The following HSD17B14 variants were observed in gnomAD, a reference collection of about 807,000 sequenced individuals.
HSD17B14 encodes the protein hydroxysteroid 17-beta dehydrogenase 14, also known as L-fucose dehydrogenase.
Under a neutral mutation model 32.2 loss-of-function variants are expected in HSD17B14, and 32 were observed. The ratio of observed to expected loss-of-function variants is 0.99; its 90% CI spans 0.75 to 1.33. HSD17B14 has a LOEUF of 1.33. Ranked by LOEUF, HSD17B14 falls within the 40% of genes most tolerant of loss-of-function variation. HSD17B14 has a pLI of 0.00. For synonymous variants in HSD17B14, 140 were observed against 155.4 expected (o/e 0.90, Z 0.74); for missense variants, 370 against 366.5 (o/e 1.01, Z -0.08).
At position 48,832,718 on chromosome 19, in the gene HSD17B14, C is replaced by T. The variant is rs1400186707; in HGVS notation, c.225G>A (p.Glu75=). The change falls in exon 4 of 9, where the codon GAG becomes GAA. Residue 75 remains glutamate (E), a synonymous_variant. Transcript: ENST00000263278. ...QEDDVKTLVS[E]TIRRFGRLDC... ...CCAGGCGGCCAAATCGGCGGATGGT[C>T]TCAGAAACCAGGGTCTGAGGAGAAA... 2 of 1,612,164 alleles carry T rather than the reference C, an allele frequency of 1.2e-6. No homozygotes were observed. Among genetic ancestry groups the T allele is most frequent in the East Asian group, 4.5e-5 (2 of 44,840 alleles).
At chr19:48,833,510 G>A (rs1447852630) in intron 3 of HSD17B14, among the ~76,000 whole-genome samples, 2 of 151,926 alleles carry the variant, frequency 1.3e-5, no homozygotes, top group Non-Finnish European at 2.9e-5. Context: ...TGGCCAACAT[G>A]GTGAAACCCT....
Position 48,821,539 on chromosome 19 carries a change from G to T in HSD17B14, c.370-6398C>A, listed in dbSNP as rs141248218. ...AAAGACCTGGAGATTCTAATTCAAG[G>T]GATCTGGGCAGGGGCCCCAGAATCA... On this transcript the variant is annotated intron_variant, in intron 5 of 8. Coordinates refer to ENST00000263278, the MANE Select transcript of HSD17B14 (RefSeq NM_016246.3). 2.7e-3 allele frequency among the ~76,000 whole-genome samples: 418 copies of T among 152,262 alleles called. 4 individuals carry two copies. The highest frequency in any genetic ancestry group is 9.5e-3 in the African/African-American group (394 of 41,544).
In HSD17B14 at chr19:48,820,932, G is replaced by A. The variant is rs1021376541; in HGVS notation, c.370-5791C>T. Among the ~76,000 whole-genome samples the A allele has an allele frequency of 1.1e-4, 16 of 151,816 alleles. 1 individual carries two copies. Among genetic ancestry groups the A allele is most frequent in the Non-Finnish European group, 2.2e-4 (15 of 67,966 alleles). Reference sequence around the variant, plus strand: ...TTGGCCAGGCTGGTCTCAAACCCCTGACCTTGTGATCTGCCTGCTTGGGCC... The same window carrying A: ...TTGGCCAGGCTGGTCTCAAACCCCTAACCTTGTGATCTGCCTGCTTGGGCC... On this transcript the variant is annotated intron_variant, in intron 5 of 8. Transcript: ENST00000263278.
intron 5 of HSD17B14, among the ~76,000 whole-genome samples, chr19:48,820,173 G>C (rs1018927055): frequency 1.3e-5 from 2 of 151,574 alleles, no homozygotes; most frequent in Non-Finnish European, 2.9e-5. Flanking sequence ...AAAACAAACC[G>C]AAAAAGAACG....
chr19:48,826,354 C>A (rs905227858), intron 5 of HSD17B14, among the ~76,000 whole-genome samples: 1 of 149,462 alleles, frequency 6.7e-6, no homozygotes, highest in Non-Finnish European at 1.5e-5. Flanking sequence ...ATCAGCTGGG[C>A]GTAGTGGTGG....
Position 48,836,484 on chromosome 19 carries a change from A to G in HSD17B14, c.-73T>C. The G allele has an allele frequency of 6.7e-7, 1 of 1,494,712 alleles. No individual in the cohort carries two copies. Among genetic ancestry groups the G allele is most frequent in the Non-Finnish European group, 9.3e-7 (1 of 1,079,576 alleles). The allele number at this position is 1,494,712 out of a possible 1,614,324, so 92.6% of individuals were successfully genotyped here. A position where few individuals can be genotyped will look rare whatever the true frequency, so the allele number is the denominator to read the frequency against. Reference sequence around the variant, plus strand: ...CTCCAAAGCCCCGTGAGGCCGTCGCATCAAATCCTCAATAGAGGCTGGATC... The same window carrying G: ...CTCCAAAGCCCCGTGAGGCCGTCGCGTCAAATCCTCAATAGAGGCTGGATC... On this transcript the variant is annotated 5_prime_UTR_variant, in exon 1 of 9. An upstream start codon of the reference 5' UTR is lost. Transcript: ENST00000263278.
In HSD17B14 at chr19:48,828,559, T is replaced by C. The variant is rs972577519; in HGVS notation, c.369+3109A>G. Among the ~76,000 whole-genome samples the C allele has an allele frequency of 4.6e-5, 7 of 152,196 alleles. No homozygotes were observed. The East Asian group carries it at 1.4e-3, about 29-fold the overall frequency. ...CTTGAGCCCAGGGGTTCGAGGCTGC[T>C]GTGAGCTATGATGGTACTCCAGCCT... On this transcript the variant is annotated intron_variant, in intron 5 of 8. Transcript: ENST00000263278.
At chr19:48,831,451 G>C (rs1232441724) in intron 5 of HSD17B14, among the ~76,000 whole-genome samples, 1 of 152,150 alleles carries the variant, frequency 6.6e-6, no homozygotes, top group Non-Finnish European at 1.5e-5. Flanking sequence ...TACTCAGGAG[G>C]CTGAGGCACG....
chr19:48,815,235 G>A (rs1181735958), intron 5 of HSD17B14, 94 bp from the exon 6 acceptor site: 8 of 879,320 alleles, frequency 9.1e-6, no homozygotes, highest in Middle Eastern at 2.2e-4. Flanking sequence ...CTGGGATGAC[G>A]GCCACCTCCC....
chr19:48,835,892 T>C (rs944696150), intron 1 of HSD17B14, 49 bp from the exon 2 acceptor site: 3 of 1,582,570 alleles, frequency 1.9e-6, no homozygotes, highest in Non-Finnish European at 8.7e-7. Flanking sequence ...GGTTAAAGCC[T>C]CTGCCGCCCT....
rs1316708068 is a variant in HSD17B14 at position 48,836,405 on chromosome 19, T to C, written c.7A>G (p.Thr3Ala). The C allele has an allele frequency of 6.2e-7, 1 of 1,613,382 alleles. No homozygotes were observed. The highest frequency in any genetic ancestry group is 8.5e-7 in the Non-Finnish European group (1 of 1,179,972). Residue 3 changes from threonine (T) to alanine (A), a missense_variant, in exon 1 of 9, where the codon ACG becomes GCG. Physicochemically the swap from Thr to Ala is moderately conservative, Grantham distance 58. Transcript: ENST00000263278. MA[T>A]GTRYAGKVVV... Reference sequence around the variant, plus strand: ...ACCTTCCCGGCATAGCGCGTTCCCGTAGCCATCCCGTGTACGTCGGTCTCT... The same window carrying C: ...ACCTTCCCGGCATAGCGCGTTCCCGCAGCCATCCCGTGTACGTCGGTCTCT...
intron 5 of HSD17B14, among the ~76,000 whole-genome samples, chr19:48,825,004 G>A (rs901582187): frequency 1.3e-5 from 2 of 152,042 alleles, no homozygotes; most frequent in East Asian, 1.9e-4. Context: ...TTGGGAGGCC[G>A]AGGCAGGCGG....
chr19:48,824,026 G>A (rs371244257), intron 5 of HSD17B14, among the ~76,000 whole-genome samples: 15 of 147,264 alleles, frequency 1.0e-4, no homozygotes, highest in Non-Finnish European at 1.9e-4. Flanking sequence ...AGGCCGAGGC[G>A]GGCAGATCAC....
At chr19:48,813,581 C>T in intron 7 of HSD17B14, 29 bp from the exon 8 acceptor site, 1 of 1,613,078 alleles carries the variant, frequency 6.2e-7, no homozygotes, top group South Asian at 1.1e-5. Flanking sequence ...GGGATCAAAG[C>T]AATCTGTCTC....
Position 48,835,837 on chromosome 19 carries a change from C to T in HSD17B14, c.95G>A (p.Ser32Asn). ...GAGIVRAFVN[S>N]GARVVICDKD... ...GTCGCAGATAACCACTCGGGCCCCG[C>T]TGTTCACTGAGAATAGGAAGGGAAC... Residue 32 changes from serine (S) to asparagine (N), a missense_variant, in exon 2 of 9, where the codon AGC becomes AAC. By Grantham distance (46) the Ser-to-Asn change is conservative. Coordinates refer to ENST00000263278, the MANE Select transcript of HSD17B14 (RefSeq NM_016246.3). 4 of 1,613,656 alleles carry T rather than the reference C, an allele frequency of 2.5e-6. No homozygotes were observed. The highest frequency in any genetic ancestry group is 1.7e-4 in the Middle Eastern group (1 of 6,060).
At chr19:48,817,458 C>T (rs540761396) in intron 5 of HSD17B14, among the ~76,000 whole-genome samples, 19 of 152,214 alleles carry the variant, frequency 1.2e-4, no homozygotes, top group African/African-American at 2.9e-4. Flanking sequence ...GGATTACAGG[C>T]GTCAGCCACC....
rs1318376902 is a variant in HSD17B14, at chr19:48,834,351, C to T, written c.135G>A (p.Gly45=). 6 of 1,613,214 alleles carry T rather than the reference C, an allele frequency of 3.7e-6. No homozygotes were observed. Among genetic ancestry groups the T allele is most frequent in the African/African-American group, 1.3e-5 (1 of 74,920 alleles). The change falls in exon 3 of 9, where the codon GGG becomes GGA. Residue 45 remains glycine, a synonymous_variant. Transcript: ENST00000263278. Reference sequence around the variant, plus strand: ...GGAGCTCCTGCTCCAGGGCCCGGCCCCCAGACTCTGCAGGGAGAGAAGAGC... The same window carrying T: ...GGAGCTCCTGCTCCAGGGCCCGGCCTCCAGACTCTGCAGGGAGAGAAGAGC... The part of the protein sequence containing the change: ...RVVICDKDES[G]GRALEQELPG...
In HSD17B14 at chr19:48,834,360, TGCA is replaced by T; in HGVS notation, c.128-5_128-3del. The T allele has an allele frequency of 6.2e-7, 1 of 1,612,452 alleles. No homozygotes were observed. The highest frequency in any genetic ancestry group is 8.5e-7 in the Non-Finnish European group (1 of 1,179,002). On this transcript the variant is annotated splice_polypyrimidine_tract_variant and splice_region_variant and intron_variant, in intron 2 of 8. Transcript: ENST00000263278. ...GCTCCAGGGCCCGGCCCCCAGACTC[TGCA>T]GGGAGAGAAGAGCTGGGAGCCTGGA...
At chr19:48,832,240 G>A (rs1006422368) in intron 4 of HSD17B14, among the ~76,000 whole-genome samples, 3 of 151,152 alleles carry the variant, frequency 2.0e-5, no homozygotes, top group South Asian at 2.1e-4. Flanking sequence ...TTAGCCTGGC[G>A]TGCTGGTGGG....
Sources: gnomAD v4.1 joint callset for allele counts (sites outside exome capture counted in the v4.1 genomes callset) on GRCh38, gnomAD v4.1.1 for gene constraint, MANE v1.5 for transcripts, NCBI Gene and HGNC (gene_info 2026-07-23, HGNC 2026-07-21) for gene names.